The following GALNT18 variants were observed in gnomAD, a reference collection of about 807,000 sequenced individuals.
GALNT18 encodes the protein polypeptide N-acetylgalactosaminyltransferase 18.
A neutral mutation model predicts 69.5 loss-of-function variants in GALNT18; 44 were observed. That is an observed-to-expected ratio of 0.63 (90% CI 0.50 to 0.81). The LOEUF (loss-of-function observed/expected upper bound fraction) is 0.81. GALNT18 is among the 40% of genes least tolerant of loss of function. The pLI, the probability that GALNT18 is intolerant of heterozygous loss-of-function variation, is 0.00. For missense variants in GALNT18, 715 were observed against 810.0 expected (o/e 0.88, Z 1.42); for synonymous variants, 364 against 318.2 (o/e 1.14, Z -1.53).
Position 11,435,240 on chromosome 11 carries a change from A to T in GALNT18, c.429-2453T>A, listed in dbSNP as rs551688478. ...CCAGGGTGTTCAGAGATGGGGGTTA[A>T]CTACTTCCCCCTACTCTCTTCCCTT... is the stretch of plus-strand genomic sequence containing the variant. On this transcript the variant is annotated intron_variant, in intron 2 of 10. Transcript: ENST00000227756. This position sits in a 1 kb window ranked among gnomAD's most constrained non-coding sequence, Gnocchi z 4.4. 2.6e-5 allele frequency among the ~76,000 whole-genome samples: 4 copies of T among 152,212 alleles called. No individual in the cohort carries two copies. Among genetic ancestry groups the T allele is most frequent in the African/African-American group, 9.6e-5 (4 of 41,532 alleles).
intron 1 of GALNT18, among the ~76,000 whole-genome samples, chr11:11,467,142 C>A (rs1856170990): frequency 6.6e-6 from 1 of 152,136 alleles, no homozygotes; most frequent in African/African-American, 2.4e-5. Context: ...TAGACATCAC[C>A]GTGTGTGCCC....
At chr11:11,521,482 G>A (rs939851537) in intron 1 of GALNT18, among the ~76,000 whole-genome samples, 4 of 151,904 alleles carry the variant, frequency 2.6e-5, no homozygotes, top group African/African-American at 4.8e-5. Flanking sequence ...TCCAGTTCTC[G>A]GGACGCTGCA....
chr11:11,316,096 C>T (rs1849747989), intron 9 of GALNT18, among the ~76,000 whole-genome samples: 1 of 152,164 alleles, frequency 6.6e-6, no homozygotes. Context: ...CCAGAAAAAG[C>T]TGCAGGAGTG....
rs553471218 is a variant in GALNT18 at position 11,614,980 on chromosome 11, T to A, written c.235+6379A>T. 2.3e-4 allele frequency among the ~76,000 whole-genome samples: 35 copies of A among 152,372 alleles called. No homozygotes were observed. Among genetic ancestry groups the A allele is most frequent in the Non-Finnish European group, 3.5e-4 (24 of 68,040 alleles). ...TTTCTTCTTCATAAAGCTGTGGTTC[T>A]GAACTAGTAACAAAGGTAATTAGGC... is the stretch of plus-strand genomic sequence containing the variant. On this transcript the variant is annotated intron_variant, in intron 1 of 10. Coordinates refer to ENST00000227756, the MANE Select transcript of GALNT18 (RefSeq NM_198516.3). The surrounding 1 kb of genome is among the most constrained non-coding windows in gnomAD (Gnocchi z 5.6).
At chr11:11,399,276 C>G (rs774661048) in intron 3 of GALNT18, among the ~76,000 whole-genome samples, 3 of 152,124 alleles carry the variant, frequency 2.0e-5, no homozygotes, top group Non-Finnish European at 4.4e-5. Flanking sequence ...ACAGAACCTC[C>G]AGTACTTTGA....
intron 10 of GALNT18, among the ~76,000 whole-genome samples, chr11:11,279,802 G>C (rs1238579395): frequency 6.6e-6 from 1 of 152,226 alleles, no homozygotes; most frequent in Admixed American, 6.5e-5. Context: ...TATTTCCTGA[G>C]CTGGGTGATG....
At chr11:11,525,942 C>G (rs1857513596) in intron 1 of GALNT18, among the ~76,000 whole-genome samples, 2 of 152,080 alleles carry the variant, frequency 1.3e-5, no homozygotes, top group Admixed American at 6.6e-5. Flanking sequence ...CCACGCATAT[C>G]ACATTTGAGG....
At chr11:11,495,446 T>C (rs1163006027) in intron 1 of GALNT18, among the ~76,000 whole-genome samples, 8 of 151,846 alleles carry the variant, frequency 5.3e-5, no homozygotes, top group South Asian at 4.2e-4. Context: ...AAATCAGGGG[T>C]TCAAGGAACC....
chr11:11,517,125 C>A (rs1451419968), intron 1 of GALNT18, among the ~76,000 whole-genome samples: 1 of 152,232 alleles, frequency 6.6e-6, no homozygotes, highest in Non-Finnish European at 1.5e-5. Context: ...AGACACTGAA[C>A]CTGCTGGGGC....
At chr11:11,380,851 C>T (rs968167361) in intron 3 of GALNT18, among the ~76,000 whole-genome samples, 40 of 152,218 alleles carry the variant, frequency 2.6e-4, no homozygotes, top group African/African-American at 9.4e-4. Flanking sequence ...CTTATCCAGC[C>T]CTTCTAGGTT....
In GALNT18 at chr11:11,272,900, A is replaced by G. The variant is rs909141922; in HGVS notation, c.1678-1610T>C. Among the ~76,000 whole-genome samples the G allele has an allele frequency of 2.0e-5, 3 of 152,224 alleles. No individual in the cohort carries two copies. In the South Asian group the frequency reaches 6.2e-4, roughly 32 times the overall value. On this transcript the variant is annotated intron_variant, in intron 10 of 10. Transcript: ENST00000227756. ...TGCCATGACCATTCCCATAGCAACA[A>G]CGGACATCTCAAGAGAGTGTTAAGA...
intron 2 of GALNT18, among the ~76,000 whole-genome samples, chr11:11,438,446 G>T (rs1275300138): frequency 6.6e-6 from 1 of 152,196 alleles, no homozygotes; most frequent in Non-Finnish European, 1.5e-5. Context: ...TTTACCATAT[G>T]CCAGAAACCA....
intron 3 of GALNT18, among the ~76,000 whole-genome samples, chr11:11,425,733 G>A (rs530531169): frequency 6.6e-6 from 1 of 152,158 alleles, no homozygotes; most frequent in Non-Finnish European, 1.5e-5. Flanking sequence ...CTTGCTCTGT[G>A]CCAGGTACTG....
intron 4 of GALNT18, among the ~76,000 whole-genome samples, chr11:11,378,757 A>T (rs1419145383): frequency 6.6e-6 from 1 of 152,096 alleles, no homozygotes; most frequent in Admixed American, 6.5e-5. Context: ...CCCTGTCCTT[A>T]GCGGGACACT....
intron 1 of GALNT18, among the ~76,000 whole-genome samples, chr11:11,503,403 C>T (rs1443143277): frequency 6.6e-6 from 1 of 152,172 alleles, no homozygotes; most frequent in African/African-American, 2.4e-5. Context: ...ATAGCTATTG[C>T]TCTGATTATT....
chr11:11,464,238 A>G (rs966468772), intron 1 of GALNT18, among the ~76,000 whole-genome samples: 3 of 152,180 alleles, frequency 2.0e-5, no homozygotes, highest in African/African-American at 4.8e-5. Context: ...TTGCTCCACA[A>G]ATGGATTTTT....
chr11:11,428,898 G>C (rs1328720752), intron 3 of GALNT18, among the ~76,000 whole-genome samples: 1 of 152,224 alleles, frequency 6.6e-6, no homozygotes, highest in African/African-American at 2.4e-5. Flanking sequence ...GTGTGTATGG[G>C]TGTGAGTGGG....
intron 6 of GALNT18, among the ~76,000 whole-genome samples, chr11:11,350,773 C>T (rs987446549): frequency 6.6e-6 from 1 of 152,156 alleles, no homozygotes; most frequent in African/African-American, 2.4e-5. Context: ...ATGTTTAAGC[C>T]AGGGTGAACT....
In GALNT18 at chr11:11,372,729, C is replaced by T. The variant is rs1039060196; in HGVS notation, c.978-100G>A. ...TCAGGAGGGTCTGGTTCTCTTCCTTCCTTTGCTGCCAGAGCCAGTGTGAGC... is the reference window on the plus strand; with the variant it reads ...TCAGGAGGGTCTGGTTCTCTTCCTTTCTTTGCTGCCAGAGCCAGTGTGAGC... On this transcript the variant is annotated intron_variant, in intron 5 of 10. Coordinates refer to ENST00000227756, the MANE Select transcript of GALNT18 (RefSeq NM_198516.3). The surrounding 1 kb of genome is among the most constrained non-coding windows in gnomAD (Gnocchi z 4.9). 8.8e-6 allele frequency: 8 copies of T among 913,888 alleles called. No individual in the cohort carries two copies. The highest frequency in any genetic ancestry group is 1.2e-5 in the Non-Finnish European group (7 of 580,178). 56.6% of individuals were successfully genotyped at this position (913,888 alleles called of 1,614,324 possible). A position where few individuals can be genotyped will look rare whatever the true frequency, so the allele number is the denominator to read the frequency against.
Sources: allele counts gnomAD v4.1 joint callset (sites outside exome capture counted in the v4.1 genomes callset), GRCh38; gene constraint gnomAD v4.1.1; non-coding constraint Gnocchi (gnomAD v3.1); transcripts MANE v1.5; gene names NCBI Gene and HGNC (gene_info 2026-07-23, HGNC 2026-07-21).